The following RIN2 variants were observed in gnomAD, a reference collection of about 807,000 sequenced individuals.
RIN2 encodes the protein Ras and Rab interactor 2.
RIN2 carries 36 observed loss-of-function variants against 78.0 expected under a neutral mutation model. The observed-to-expected ratio is 0.46, with a 90% CI of 0.35 to 0.61. The LOEUF (loss-of-function observed/expected upper bound fraction) is 0.61, where lower values mean the gene tolerates loss of function less well. Ranked by LOEUF, RIN2 falls within the 20% of genes least tolerant of loss-of-function variation. The pLI, the probability that RIN2 is intolerant of heterozygous loss-of-function variation, is 0.00. For missense variants in RIN2, 1,087 were observed against 1,159.7 expected, an observed-to-expected ratio of 0.94 and a Z score of 0.91; for synonymous variants, 466 against 466.8, an observed-to-expected ratio of 1.00 and a Z score of 0.02.
intron 4 of RIN2, 73 bp downstream of exon 4, chr20:19,935,272 C>G: frequency 7.3e-7 from 1 of 1,365,858 alleles, no homozygotes; most frequent in East Asian, 2.5e-5. Context: ...CAAGGGCTGA[C>G]TTGCAGTCAC....
chr20:19,763,179 G>A (rs2033715729), intron 1 of RIN2, among the ~76,000 whole-genome samples: 1 of 152,162 alleles, frequency 6.6e-6, no homozygotes, highest in African/African-American at 2.4e-5. Context: ...GAGGTTAGGA[G>A]TTCAAGGCCA....
chr20:19,993,088 G>A (rs2042845042), intron 11 of RIN2, among the ~76,000 whole-genome samples: 1 of 152,162 alleles, frequency 6.6e-6, no homozygotes. Flanking sequence ...ATTTTACATG[G>A]AAATGATTAG....
At chr20:19,802,288 G>A (rs937948753) in intron 2 of RIN2, among the ~76,000 whole-genome samples, 5 of 152,060 alleles carry the variant, frequency 3.3e-5, no homozygotes, top group East Asian at 1.9e-4. Flanking sequence ...GCCCTGTCCC[G>A]AGCACCCCGT....
intron 2 of RIN2, among the ~76,000 whole-genome samples, chr20:19,830,115 G>C (rs2036208172): frequency 6.6e-6 from 1 of 152,306 alleles, no homozygotes; most frequent in South Asian, 2.1e-4. Context: ...TCCACCTCAG[G>C]AAGACATATT....
chr20:19,962,477 T>C (rs969675892), intron 6 of RIN2, among the ~76,000 whole-genome samples: 2 of 152,224 alleles, frequency 1.3e-5, no homozygotes, highest in African/African-American at 4.8e-5. Context: ...TCGTTGTTCA[T>C]TGAGGTCCTT....
intron 6 of RIN2, among the ~76,000 whole-genome samples, chr20:19,961,648 G>A (rs1251157777): frequency 1.3e-5 from 2 of 150,234 alleles, no homozygotes; most frequent in African/African-American, 2.5e-5. Context: ...TTTCAGGGCC[G>A]AGATGAGATT....
chr20:19,965,214 T>C lies in RIN2; in HGVS notation c.536+190T>C, dbSNP rs542285337. On this transcript the variant is annotated intron_variant, in intron 7 of 12. Coordinates refer to ENST00000255006, the MANE Select transcript of RIN2 (RefSeq NM_018993.4). The stretch of plus-strand genomic sequence containing the variant: ...AGTTCACACCATGCCAGGCTTAAGG[T>C]CAAAACGACTATCCCAACCCCTCCA... Among the ~76,000 whole-genome samples, 6 of 152,214 alleles carry C rather than the reference T, an allele frequency of 3.9e-5. No individual in the cohort carries two copies. The East Asian group carries it at 9.7e-4, about 24-fold the overall frequency.
Position 20,001,191 on chromosome 20 carries a change from T to C in RIN2, c.*255T>C, listed in dbSNP as rs1279837323. 1 of 471,910 alleles carries C rather than the reference T, an allele frequency of 2.1e-6. No individual in the cohort carries two copies. Among genetic ancestry groups the C allele is most frequent in the South Asian group, 3.4e-5 (1 of 29,722 alleles). The allele number at this position is 471,910 out of a possible 1,614,324, so 29.2% of individuals were successfully genotyped here. ...GTTCAAGTGTCCTGAGATTGTTTGC[T>C]ACCTACCCCCAGTCAGGTTCTAGGT... On this transcript the variant is annotated 3_prime_UTR_variant, in exon 13 of 13. Coordinates refer to ENST00000255006, the MANE Select transcript of RIN2 (RefSeq NM_018993.4).
At chr20:19,971,490 G>A in intron 8 of RIN2, among the ~76,000 whole-genome samples, 1 of 152,076 alleles carries the variant, frequency 6.6e-6, no homozygotes, top group East Asian at 1.9e-4. Context: ...TTGCCTTGGG[G>A]GAATCTGTGT....
chr20:19,923,285 G>A (rs181371868), intron 3 of RIN2, among the ~76,000 whole-genome samples: 276 of 151,788 alleles, frequency 1.8e-3, no homozygotes, highest in South Asian at 4.4e-3. Context: ...GTGTGGTGGC[G>A]GGCGCCTGTA....
At chr20:19,939,685 C>T (rs1325406051) in intron 4 of RIN2, among the ~76,000 whole-genome samples, 2 of 152,178 alleles carry the variant, frequency 1.3e-5, no homozygotes, top group East Asian at 3.9e-4. Flanking sequence ...TGGCCCCTGC[C>T]TCCTGGCCTT....
At chr20:19,861,475 T>C (rs890722955) in intron 2 of RIN2, among the ~76,000 whole-genome samples, 6 of 152,152 alleles carry the variant, frequency 3.9e-5, no homozygotes, top group Non-Finnish European at 8.8e-5. Flanking sequence ...GCTAAGTAGG[T>C]TGAGCAAGAA....
At chr20:19,776,090 C>CT (rs1279777019) in intron 1 of RIN2, among the ~76,000 whole-genome samples, 3 of 144,924 alleles carry the variant, frequency 2.1e-5, no homozygotes, top group East Asian at 3.9e-4. Context: ...AAATAAAACT[C>CT]TAAGTCCCCC....
At chr20:19,925,032 C>A (rs1227086548) in intron 3 of RIN2, among the ~76,000 whole-genome samples, 1 of 151,518 alleles carries the variant, frequency 6.6e-6, no homozygotes, top group Non-Finnish European at 1.5e-5. Context: ...AGCCACTGCG[C>A]CCGGCCTCCC....
At chr20:19,899,691 C>T (rs2038895548) in intron 3 of RIN2, among the ~76,000 whole-genome samples, 1 of 152,184 alleles carries the variant, frequency 6.6e-6, no homozygotes, top group Non-Finnish European at 1.5e-5. Context: ...AAATGGTTCT[C>T]TTCACAGGGG....
intron 2 of RIN2, among the ~76,000 whole-genome samples, chr20:19,882,259 C>G (rs943576570): frequency 1.3e-5 from 2 of 152,084 alleles, no homozygotes; most frequent in Non-Finnish European, 2.9e-5. Flanking sequence ...ATGAAAACAG[C>G]CAACACCTCA....
At position 19,974,988 on chromosome 20, in the gene RIN2, A is replaced by G; in HGVS notation, c.963A>G (p.Thr321=). ...PPPPAINSLH[T]SPRLARTETQ... ...CACCCGCTATTAATAGTCTCCACAC[A>G]AGCCCTCGGCTGGCCAGGACTGAAA... The change falls in exon 9 of 13, where the codon ACA becomes ACG. Residue 321 remains threonine (T), a synonymous_variant. Coordinates refer to ENST00000255006, the MANE Select transcript of RIN2 (RefSeq NM_018993.4). The G allele has an allele frequency of 6.2e-7, 1 of 1,603,914 alleles. No homozygotes were observed. Among genetic ancestry groups the G allele is most frequent in the African/African-American group, 1.4e-5 (1 of 72,534 alleles).
rs1401974059 is a variant in RIN2 at position 19,848,816 on chromosome 20, A to G, written c.-36-40750A>G. The stretch of plus-strand genomic sequence containing the variant: ...AGGTTATTCTAGCCTGACATAGAAC[A>G]CTTTTGACACCTGCAGTTACTGTAA... On this transcript the variant is annotated intron_variant, in intron 2 of 12. Coordinates refer to ENST00000255006, the MANE Select transcript of RIN2 (RefSeq NM_018993.4). Among the ~76,000 whole-genome samples the G allele has an allele frequency of 2.0e-5, 3 of 152,206 alleles. No homozygotes were observed. The East Asian group carries it at 5.8e-4, about 29-fold the overall frequency.
chr20:19,885,353 A>G (rs1023818244), intron 2 of RIN2, among the ~76,000 whole-genome samples: 1 of 152,232 alleles, frequency 6.6e-6, no homozygotes, highest in African/African-American at 2.4e-5. Flanking sequence ...GACTGTAGTT[A>G]ATACCAATGT....
Sources: gnomAD v4.1 joint callset for allele counts (sites outside exome capture counted in the v4.1 genomes callset) on GRCh38, gnomAD v4.1.1 for gene constraint, MANE v1.5 for transcripts, NCBI Gene and HGNC (gene_info 2026-07-23, HGNC 2026-07-21) for gene names.